Variants in NXPE2 observed in about 807,000 individuals in gnomAD.
NXPE2 encodes the protein neurexophilin and PC-esterase domain family member 2, also known as NXPE family member 2.
NXPE2 carries 34 observed loss-of-function variants against 34.4 expected under a neutral mutation model. That is an observed-to-expected ratio of 0.99 (90% CI 0.75 to 1.31). The LOEUF is 1.31. Ranked by LOEUF, NXPE2 falls within the 40% of genes most tolerant of loss-of-function variation. NXPE2 has a pLI of 0.00. For missense variants in NXPE2, 649 were observed against 672.5 expected (o/e 0.97, Z 0.39); for synonymous variants, 235 against 231.3 (o/e 1.02, Z -0.15).
chr11:114,614,685 C>A, the NXPE2 span, among the ~76,000 whole-genome samples: 1 of 151,922 alleles, frequency 6.6e-6, no homozygotes, highest in Non-Finnish European at 1.5e-5. Context: ...AGTGTTGCCT[C>A]GTGGGTAACC....
the NXPE2 span, among the ~76,000 whole-genome samples, chr11:114,568,968 G>C: frequency 6.6e-6 from 1 of 152,062 alleles, no homozygotes; most frequent in Non-Finnish European, 1.5e-5. Context: ...CCTGGCACAT[G>C]GTAGGGATTT....
the NXPE2 span, among the ~76,000 whole-genome samples, chr11:114,616,152 G>C: frequency 6.6e-6 from 1 of 151,568 alleles, no homozygotes; most frequent in Non-Finnish European, 1.5e-5. Flanking sequence ...TTGCCTCGTG[G>C]GTAACCATGG....
the NXPE2 span, among the ~76,000 whole-genome samples, chr11:114,516,465 A>G: frequency 5.3e-5 from 8 of 152,162 alleles, no homozygotes; most frequent in East Asian, 5.8e-4. Context: ...AAAAACCTAC[A>G]TGTCCATAAT....
At chr11:114,735,137 T>A in the NXPE2 span, among the ~76,000 whole-genome samples, 5 of 151,428 alleles carry the variant, frequency 3.3e-5, no homozygotes, top group African/African-American at 1.2e-4. Context: ...ATAATAACCA[T>A]TACACATCTC....
the NXPE2 span, among the ~76,000 whole-genome samples, chr11:114,591,366 C>A: frequency 2.6e-5 from 4 of 152,156 alleles, no homozygotes; most frequent in African/African-American, 9.7e-5. Flanking sequence ...TAAATTACCA[C>A]CAGGAAATTA....
the NXPE2 span, among the ~76,000 whole-genome samples, chr11:114,776,182 T>C: frequency 6.6e-6 from 1 of 152,124 alleles, no homozygotes; most frequent in East Asian, 1.9e-4. Context: ...GCCTCAGGGA[T>C]TATGGGGAGT....
At chr11:114,534,389 C>G in the NXPE2 span, among the ~76,000 whole-genome samples, 1 of 152,174 alleles carries the variant, frequency 6.6e-6, no homozygotes, top group Non-Finnish European at 1.5e-5. Context: ...TCTTCTCCTC[C>G]AAAGGAACGC....
chr11:114,660,190 C>A, the NXPE2 span, among the ~76,000 whole-genome samples: 1 of 151,844 alleles, frequency 6.6e-6, no homozygotes, highest in Non-Finnish European at 1.5e-5. Flanking sequence ...AATGAAAAAT[C>A]AGGCCTAAAT....
the NXPE2 span, among the ~76,000 whole-genome samples, chr11:114,744,985 A>C: frequency 6.6e-6 from 1 of 152,222 alleles, no homozygotes; most frequent in African/African-American, 2.4e-5. Context: ...ACATTAACAG[A>C]AACTGTGTTA....
the NXPE2 span, among the ~76,000 whole-genome samples, chr11:114,567,397 A>C: frequency 2.0e-5 from 3 of 152,158 alleles, no homozygotes; most frequent in Admixed American, 6.5e-5. Context: ...CAGCAACTGC[A>C]GACCCGCTCT....
chr11:114,513,290 G>A, the NXPE2 span: 2 of 466,546 alleles, frequency 4.3e-6, no homozygotes, highest in Non-Finnish European at 8.4e-6. Flanking sequence ...GTTCATGTGG[G>A]TGAAAGGTCT....
chr11:114,465,274 A>G, the NXPE2 span, among the ~76,000 whole-genome samples: 1 of 152,248 alleles, frequency 6.6e-6, no homozygotes, highest in Non-Finnish European at 1.5e-5. Flanking sequence ...AGTATTTATC[A>G]TCAGTAGAAT....
the NXPE2 span, among the ~76,000 whole-genome samples, chr11:114,648,051 G>T: frequency 6.6e-6 from 1 of 151,948 alleles, no homozygotes; most frequent in Non-Finnish European, 1.5e-5. Context: ...TATTCCCTGT[G>T]GTATATAAGA....
At chr11:114,496,327 G>A in the NXPE2 span, among the ~76,000 whole-genome samples, 9 of 152,128 alleles carry the variant, frequency 5.9e-5, no homozygotes, top group Non-Finnish European at 7.4e-5. Flanking sequence ...CAATCACTGT[G>A]CTCTCCCTTC....
At chr11:114,575,647 T>C in the NXPE2 span, among the ~76,000 whole-genome samples, 1 of 151,920 alleles carries the variant, frequency 6.6e-6, no homozygotes, top group Non-Finnish European at 1.5e-5. Context: ...TAGCCAAGGA[T>C]GTCAAAGACC....
At chr11:114,689,436 T>C (rs1004344972) in intron 2 of NXPE2, among the ~76,000 whole-genome samples, 7 of 152,146 alleles carry the variant, frequency 4.6e-5, no homozygotes, top group Non-Finnish European at 1.0e-4. Context: ...TATTCCATTG[T>C]GGTCTGAGTA....
At chr11:114,569,351 A>G in the NXPE2 span, among the ~76,000 whole-genome samples, 1 of 152,226 alleles carries the variant, frequency 6.6e-6, no homozygotes. Flanking sequence ...GTTAACCTAC[A>G]TGTGTAGATT....
At chr11:114,714,623 A>G in the NXPE2 span, among the ~76,000 whole-genome samples, 1 of 152,156 alleles carries the variant, frequency 6.6e-6, no homozygotes. Context: ...TGTTGGCTTC[A>G]TTTTCAGGCA....
chr11:114,638,778 G>A, the NXPE2 span, among the ~76,000 whole-genome samples: 8 of 151,910 alleles, frequency 5.3e-5, no homozygotes, highest in South Asian at 2.1e-4. Flanking sequence ...GCAGAACAGC[G>A]GATTTTCGTG....
Sources: gnomAD v4.1 joint callset for allele counts (sites outside exome capture counted in the v4.1 genomes callset) on GRCh38, gnomAD v4.1.1 for gene constraint, MANE v1.5 for transcripts, NCBI Gene and HGNC (gene_info 2026-07-23, HGNC 2026-07-21) for gene names.